GCH1: variants seen among roughly 807,000 people sequenced by gnomAD.
GCH1 encodes the protein GTP cyclohydrolase I.
Under a neutral mutation model 25.9 loss-of-function variants are expected in GCH1, and 5 were observed. The observed-to-expected ratio is 0.19, with a 90% CI of 0.10 to 0.41. GCH1 has a LOEUF of 0.41. Among genes scored for constraint, GCH1 ranks in the 10% least tolerant of loss-of-function variants. The pLI, the probability that GCH1 is intolerant of heterozygous loss-of-function variation, is 1.00. For synonymous variants in GCH1, 159 were observed against 129.6 expected (o/e 1.23, Z -1.54); for missense variants, 261 against 336.5 (o/e 0.78, Z 1.75).
intron 2 of GCH1, among the ~76,000 whole-genome samples, chr14:54,862,379 CTTTT>C (rs892910613): frequency 1.7e-5 from 1 of 57,398 alleles, no homozygotes; most frequent in Non-Finnish European, 3.6e-5. Flanking sequence ...AAGCACTACT[CTTTT>C]TTTTTTTTTT....
intron 3 of GCH1, among the ~76,000 whole-genome samples, chr14:54,852,369 G>A (rs1188430688): frequency 6.6e-6 from 1 of 152,176 alleles, no homozygotes; most frequent in Admixed American, 6.5e-5. Context: ...TCCAGTTCAA[G>A]GTCTCAAGTG....
At chr14:54,860,330 T>A (rs759092716) in intron 2 of GCH1, among the ~76,000 whole-genome samples, 1 of 152,142 alleles carries the variant, frequency 6.6e-6, no homozygotes, top group East Asian at 1.9e-4. Context: ...AATGATCTCA[T>A]AGCAACACTA....
intron 1 of GCH1, chr14:54,885,902 C>A: frequency 5.2e-6 from 1 of 190,584 alleles, no homozygotes; most frequent in Non-Finnish European, 1.1e-5. Context: ...AAACAAACAA[C>A]AACAACAACA....
chr14:54,878,096 G>C (rs2140094595), intron 1 of GCH1: 1 of 154,888 alleles, frequency 6.5e-6, no homozygotes, highest in Admixed American at 6.5e-5. Context: ...ACCTGTTTCT[G>C]CTGTGGAGAA....
intron 1 of GCH1, among the ~76,000 whole-genome samples, chr14:54,883,738 G>T (rs2040307985): frequency 6.6e-6 from 1 of 152,112 alleles, no homozygotes; most frequent in African/African-American, 2.4e-5. Context: ...GCCCAAATTT[G>T]CTGTTCAGCA....
chr14:54,862,376 ACT>A (rs200814095), intron 2 of GCH1, among the ~76,000 whole-genome samples: 2,202 of 96,918 alleles, frequency 0.023, 102 homozygotes, highest in African/African-American at 0.07. Flanking sequence ...ATGAAGCACT[ACT>A]CTTTTTTTTT....
chr14:54,859,144 A>T (rs12589758), intron 3 of GCH1: 34,581 of 163,014 alleles, frequency 0.21, 3,869 homozygotes, highest in East Asian at 0.35. Context: ...GCCTGGAGGC[A>T]TCCAGTGCAG....
intron 2 of GCH1, among the ~76,000 whole-genome samples, chr14:54,860,754 T>C (rs2039884592): frequency 1.3e-5 from 2 of 152,146 alleles, no homozygotes; most frequent in Non-Finnish European, 2.9e-5. Flanking sequence ...TTAGCCAGGA[T>C]GGTTTCGATC....
chr14:54,878,565 TC>T (rs2040196699), intron 1 of GCH1, among the ~76,000 whole-genome samples: 1 of 152,170 alleles, frequency 6.6e-6, no homozygotes, highest in South Asian at 2.1e-4. Context: ...ACAGCGCTTA[TC>T]TCATCATGCC....
chr14:54,873,326 C>G (rs2040109106), intron 1 of GCH1, among the ~76,000 whole-genome samples: 1 of 152,204 alleles, frequency 6.6e-6, no homozygotes, highest in African/African-American at 2.4e-5. Context: ...ACCAGACTCT[C>G]TGGGACACAT....
chr14:54,851,464 A>T (rs1377421263), intron 3 of GCH1, among the ~76,000 whole-genome samples: 1 of 152,236 alleles, frequency 6.6e-6, no homozygotes, highest in Non-Finnish European at 1.5e-5. Context: ...AATTTTTATG[A>T]TCTACCCATC....
intron 1 of GCH1, among the ~76,000 whole-genome samples, chr14:54,896,739 C>T (rs1312429480): frequency 2.7e-5 from 4 of 150,770 alleles, no homozygotes; most frequent in South Asian, 4.2e-4. Context: ...GGTGAAACCC[C>T]ATCTCTACTA....
intron 1 of GCH1, among the ~76,000 whole-genome samples, chr14:54,898,913 C>T (rs1164976059): frequency 6.6e-6 from 1 of 152,160 alleles, no homozygotes; most frequent in African/African-American, 2.4e-5. Flanking sequence ...TGTGAGCCAC[C>T]ATGCCTGGCC....
At position 54,902,367 on chromosome 14, in the gene GCH1, G is replaced by A. The variant is rs776450369; in HGVS notation, c.297C>T (p.Ala99=). 114 of 1,612,984 alleles carry A rather than the reference G, an allele frequency of 7.1e-5. No individual in the cohort carries two copies. Among genetic ancestry groups the A allele is most frequent in the Non-Finnish European group, 9.1e-5 (107 of 1,179,854 alleles). The change falls in exon 1 of 6, where the codon GCC becomes GCT. Residue 99 remains alanine, a synonymous_variant. Transcript: ENST00000491895. ...CCTTGGTGAAGAACTGCATGGCCGA[G>A]GCCGCCCTCCAGGGCGTCTTGAGCA... The part of the protein sequence containing the change: ...QGLLKTPWRA[A]SAMQFFTKGY...
chr14:54,885,709 C>A, intron 1 of GCH1: 1 of 201,970 alleles, frequency 5.0e-6, no homozygotes, highest in Non-Finnish European at 1.0e-5. Context: ...GCCAACATGG[C>A]GAAACCCCGT....
chr14:54,862,584 T>C (rs2039917379), intron 2 of GCH1, among the ~76,000 whole-genome samples: 2 of 133,790 alleles, frequency 1.5e-5, no homozygotes, highest in South Asian at 4.6e-4. Context: ...GTTTGGTTGA[T>C]TGGTTTTCGT....
chr14:54,902,421 C>G lies in GCH1; in HGVS notation c.243G>C (p.Ser81=). The G allele has an allele frequency of 1.2e-6, 2 of 1,613,046 alleles. No individual in the cohort carries two copies. Among genetic ancestry groups the G allele is most frequent in the East Asian group, 4.5e-5 (2 of 44,850 alleles). The change falls in exon 1 of 6, where the codon TCG becomes TCC. Residue 81 remains serine, a synonymous_variant. Coordinates refer to ENST00000491895, the MANE Select transcript of GCH1 (RefSeq NM_000161.3). ...LAAAYSSILS[S]LGENPQRQGL... ...CTTGCCGCTGGGGGTTCTCGCCCAG[C>G]GAGCTCAGGATGGACGAGTAGGCGG...
At chr14:54,897,085 CTGCAA>C (rs1254026349) in intron 1 of GCH1, among the ~76,000 whole-genome samples, 1 of 142,204 alleles carries the variant, frequency 7.0e-6, no homozygotes, top group Non-Finnish European at 1.5e-5. Flanking sequence ...TCTCGGCTCA[CTGCAA>C]CCTCCGCCTC....
rs138409746 is a variant in GCH1 at position 54,850,646 on chromosome 14, G to A, written c.510-3516C>T. Among the ~76,000 whole-genome samples the A allele has an allele frequency of 9.8e-3, 1,487 of 151,990 alleles. 20 individuals carry two copies. The highest frequency in any genetic ancestry group is 0.028 in the Admixed American group (429 of 15,262). On this transcript the variant is annotated intron_variant, in intron 3 of 5. Coordinates refer to ENST00000491895, the MANE Select transcript of GCH1 (RefSeq NM_000161.3). ...AATGCTATCCCTCCCTGCTCCCCAC[G>A]ACAGGCCCCGGTGTGTGTTTCCTAC...
Sources: gnomAD v4.1 joint callset for allele counts (sites outside exome capture counted in the v4.1 genomes callset) on GRCh38, gnomAD v4.1.1 for gene constraint, MANE v1.5 for transcripts, NCBI Gene and HGNC (gene_info 2026-07-23, HGNC 2026-07-21) for gene names.